The following TPM4 variants were observed in gnomAD, a reference collection of about 807,000 sequenced individuals.
The protein encoded by TPM4 is tropomyosin alpha-4 chain.
A neutral mutation model predicts 35.8 loss-of-function variants in TPM4; 17 were observed. The ratio of observed to expected loss-of-function variants is 0.47; its 90% CI spans 0.32 to 0.71. TPM4 has a LOEUF of 0.71. TPM4 is among the 30% of genes least tolerant of loss of function. The probability of loss-of-function intolerance (pLI) is 0.03; values close to 1 mark genes in which losing one functional copy is unlikely to be tolerated. For missense variants in TPM4, 240 were observed against 320.9 expected (o/e 0.75, Z 1.93); for synonymous variants, 120 against 122.9 (o/e 0.98, Z 0.15).
At chr19:16,101,060 A>G in intron 7 of TPM4, 1 of 398,274 alleles carries the variant, frequency 2.5e-6, no homozygotes. Context: ...AATCCCAGCT[A>G]CTCGGGAGGC....
At chr19:16,076,788 G>T (rs2090413046) in intron 1 of TPM4, 91 bp downstream of exon 1, 2 of 1,280,128 alleles carry the variant, frequency 1.6e-6, no homozygotes, top group African/African-American at 1.6e-5. Flanking sequence ...CCGCCCGCGC[G>T]CAGTCCTCGG....
chr19:16,085,160 G>A (rs537681698), intron 2 of TPM4, among the ~76,000 whole-genome samples: 1 of 152,166 alleles, frequency 6.6e-6, no homozygotes, highest in East Asian at 1.9e-4. Context: ...GACTGAGGTG[G>A]GAGAATCACC....
At chr19:16,085,322 C>T (rs2144937294) in intron 2 of TPM4, among the ~76,000 whole-genome samples, 1 of 152,164 alleles carries the variant, frequency 6.6e-6, no homozygotes, top group African/African-American at 2.4e-5. Context: ...GGTGCAATCA[C>T]GACTCACCGC....
chr19:16,074,049 C>T (rs2090381535), upstream of TPM4, among the ~76,000 whole-genome samples: 3 of 145,758 alleles, frequency 2.1e-5, no homozygotes, highest in Admixed American at 1.4e-4. Context: ...CACACACACA[C>T]ATATGGGGCA....
chr19:16,068,989 G>A (rs1227255697), intron 2 of TPM4, among the ~76,000 whole-genome samples: 1 of 152,194 alleles, frequency 6.6e-6, no homozygotes, highest in Non-Finnish European at 1.5e-5. Flanking sequence ...GTGAGCCTGT[G>A]TGTAGATGGT....
rs538109225 is a variant in TPM4, at chr19:16,096,217, T to C, written c.664+2464T>C. ...GTGCAGGGATTACAGGCTTGAGCCA[T>C]CACGCCTGGCCATTTTTGTACTTTT... is the stretch of plus-strand genomic sequence containing the variant. On this transcript the variant is annotated intron_variant, in intron 7 of 7. Transcript: ENST00000643579. 3.3e-5 allele frequency among the ~76,000 whole-genome samples: 5 copies of C among 152,204 alleles called. 2 individuals carry two copies. Among genetic ancestry groups the C allele is most frequent in the African/African-American group, 1.2e-4 (5 of 41,558 alleles).
upstream of TPM4, among the ~76,000 whole-genome samples, chr19:16,074,071 T>C (rs891257702): frequency 1.1e-4 from 16 of 150,226 alleles, no homozygotes; most frequent in Non-Finnish European, 1.9e-4. Context: ...CTGGTACATT[T>C]TGCACATCCA....
chr19:16,083,696 A>C (rs2090513826), intron 2 of TPM4, among the ~76,000 whole-genome samples: 1 of 145,210 alleles, frequency 6.9e-6, no homozygotes, highest in Non-Finnish European at 1.5e-5. Flanking sequence ...TTCACACCGG[A>C]GTTCTCACTT....
intron 1 of TPM4, among the ~76,000 whole-genome samples, chr19:16,078,856 A>G (rs1568301490): frequency 7.6e-6 from 1 of 131,196 alleles, no homozygotes; most frequent in East Asian, 2.6e-4. Flanking sequence ...AAAACCTTTC[A>G]CTCTTGTAGA....
chr19:16,078,057 G>A (rs1024242659), intron 1 of TPM4: 8 of 397,594 alleles, frequency 2.0e-5, no homozygotes, highest in Non-Finnish European at 1.8e-5. Context: ...ACAAGCGTGA[G>A]CCACGGCGCC....
chr19:16,096,969 T>C lies in TPM4; in HGVS notation c.664+3216T>C, dbSNP rs866530114. On this transcript the variant is annotated intron_variant, in intron 7 of 7. Transcript: ENST00000643579. ...TTTTTTTTTTTTTTTTTTTTTTTTTTTCAAGACAGGGTCTCACTCTGTTGC... is the reference window on the plus strand; with the variant it reads ...TTTTTTTTTTTTTTTTTTTTTTTTTCTCAAGACAGGGTCTCACTCTGTTGC... Among the ~76,000 whole-genome samples the C allele has an allele frequency of 8.5e-3, 957 of 112,546 alleles. 20 individuals carry two copies. Among genetic ancestry groups the C allele is most frequent in the African/African-American group, 0.033 (903 of 27,188 alleles). 73.8% of individuals were successfully genotyped at this position (112,546 alleles called of 152,430 possible).
rs558208718 is a variant in TPM4, at chr19:16,082,779, C to T, written c.266+733C>T. 5.3e-5 allele frequency among the ~76,000 whole-genome samples: 8 copies of T among 152,092 alleles called. No homozygotes were observed. The South Asian group carries it at 1.7e-3, about 32-fold the overall frequency. On this transcript the variant is annotated intron_variant, in intron 2 of 7. Transcript: ENST00000643579. ...GGCAGAGGCGGGCAAATCGCCTGAG[C>T]TCAGGAGTTCAAGACCAACTGGGGC... is the stretch of plus-strand genomic sequence containing the variant.
rs1235496519 is a variant in TPM4, at chr19:16,102,692, G to A, written c.*1346G>A. The A allele has an allele frequency of 1.7e-5, 4 of 229,276 alleles. No individual in the cohort carries two copies. The highest frequency in any genetic ancestry group is 1.2e-4 in the East Asian group (2 of 16,148). The allele number at this position is 229,276 out of a possible 1,614,324, so 14.2% of individuals were successfully genotyped here. ...TTCTGTAGACAGGGCTGCACGTATCGGCTTTGTTTGACTTCTCTTTTCTCA... is the reference window on the plus strand; with the variant it reads ...TTCTGTAGACAGGGCTGCACGTATCAGCTTTGTTTGACTTCTCTTTTCTCA... On this transcript the variant is annotated 3_prime_UTR_variant, in exon 8 of 8. Coordinates refer to ENST00000643579, the MANE Select transcript of TPM4 (RefSeq NM_003290.3).
intron 1 of TPM4, among the ~76,000 whole-genome samples, chr19:16,080,632 G>A (rs760591299): frequency 8.5e-5 from 13 of 152,110 alleles, no homozygotes; most frequent in Non-Finnish European, 1.8e-4. Flanking sequence ...CCAACAAGAC[G>A]AAACCCTGTC....
rs1212619451 is a variant in TPM4, at chr19:16,087,754, G to C, written c.385-273G>C. ...AAATTAGCTGGGCGTGGTGGCACGC[G>C]CCTGTAGTCCCAGCTACTTGGAAGG... On this transcript the variant is annotated intron_variant, in intron 3 of 7. Coordinates refer to ENST00000643579, the MANE Select transcript of TPM4 (RefSeq NM_003290.3). Among the ~76,000 whole-genome samples, 5 of 151,706 alleles carry C rather than the reference G, an allele frequency of 3.3e-5. No homozygotes were observed. The South Asian group carries it at 1.0e-3, about 32-fold the overall frequency.
chr19:16,069,585 G>GAGGT (rs1291898439), intron 2 of TPM4, among the ~76,000 whole-genome samples: 18 of 139,450 alleles, frequency 1.3e-4, no homozygotes, highest in Admixed American at 4.3e-4. Flanking sequence ...TGTTTCTATT[G>GAGGT]GTGTGTGTGG....
At chr19:16,088,164 T>A in intron 4 of TPM4, 67 bp downstream of exon 4, 11 of 1,561,318 alleles carry the variant, frequency 7.0e-6, no homozygotes, top group African/African-American at 1.3e-5. Flanking sequence ...AGGAGCTGGC[T>A]GTGTTGGGAA....
rs764649885 is a variant in TPM4 at position 16,089,112 on chromosome 19, T to A, written c.523T>A (p.Ser175Thr). 2 of 1,613,692 alleles carry A rather than the reference T, an allele frequency of 1.2e-6. No individual in the cohort carries two copies. Among genetic ancestry groups the A allele is most frequent in the African/African-American group, 1.3e-5 (1 of 75,052 alleles). ...CAATCTGAAATCTCTGGAGGCTGCA[T>A]CTGAAAAGGTAGGTGGTTGGCTTGA... ...TNNLKSLEAA[S>T]EKYSEKEDKY... The change falls in exon 5 of 8, where the codon TCT becomes ACT. Residue 175 changes from serine to threonine, a missense_variant. Physicochemically the swap from Ser to Thr is moderately conservative, Grantham distance 58. Transcript: ENST00000643579.
chr19:16,084,796 G>A (rs749772003), intron 2 of TPM4, among the ~76,000 whole-genome samples: 1 of 152,238 alleles, frequency 6.6e-6, no homozygotes, highest in Non-Finnish European at 1.5e-5. Flanking sequence ...TCGTACAGGT[G>A]GGGGAGGGTG....
Sources: allele counts gnomAD v4.1 joint callset (sites outside exome capture counted in the v4.1 genomes callset), GRCh38; gene constraint gnomAD v4.1.1; transcripts MANE v1.5; gene names NCBI Gene and HGNC (gene_info 2026-07-23, HGNC 2026-07-21).